Variants in NETO1 observed in about 807,000 individuals in gnomAD.
NETO1 encodes the protein neuropilin and tolloid like 1, also known as neuropilin and tolloid-like protein 1.
NETO1 carries 26 observed loss-of-function variants against 61.3 expected under a neutral mutation model. The observed-to-expected ratio is 0.42, with a 90% CI of 0.31 to 0.59. NETO1 has a LOEUF of 0.59. Among genes scored for constraint, NETO1 ranks in the 20% least tolerant of loss-of-function variants. The pLI is 0.12. For missense variants in NETO1, 531 were observed against 662.8 expected, an observed-to-expected ratio of 0.80 and a Z score of 2.18; for synonymous variants, 225 against 225.8, an observed-to-expected ratio of 1.00 and a Z score of 0.03.
At chr18:72,787,630 CAT>C (rs1402120468) in intron 6 of NETO1, among the ~76,000 whole-genome samples, 1 of 152,214 alleles carries the variant, frequency 6.6e-6, no homozygotes, top group Non-Finnish European at 1.5e-5. Context: ...TGCATTATTT[CAT>C]ATCTCTCAAC....
Position 72,773,149 on chromosome 18 carries a change from T to G in NETO1, c.868+10529A>C, listed in dbSNP as rs115403064. 1.3e-3 allele frequency among the ~76,000 whole-genome samples: 204 copies of G among 151,988 alleles called. 1 individual carries two copies. Among genetic ancestry groups the G allele is most frequent in the African/African-American group, 4.8e-3 (201 of 41,492 alleles). The stretch of plus-strand genomic sequence containing the variant: ...CCCTCTCCCAGTTCCTAATAACATA[T>G]TCCTCCTCACTTGCATCTGAGTCAT... On this transcript the variant is annotated intron_variant, in intron 7 of 10. Coordinates refer to ENST00000327305, the MANE Select transcript of NETO1 (RefSeq NM_138966.5).
intron 7 of NETO1, among the ~76,000 whole-genome samples, chr18:72,781,293 T>A (rs117227354): frequency 0.014 from 2,191 of 152,278 alleles, 26 homozygotes; most frequent in Non-Finnish European, 0.024. Context: ...CAGATAAGAA[T>A]ACTGAATAAA....
intron 4 of NETO1, among the ~76,000 whole-genome samples, chr18:72,836,977 T>C (rs1031340741): frequency 6.6e-6 from 1 of 151,996 alleles, no homozygotes; most frequent in African/African-American, 2.4e-5. Context: ...AGAATGCAGA[T>C]CCCCCAGGAA....
intron 4 of NETO1, among the ~76,000 whole-genome samples, chr18:72,825,680 C>A (rs1486069795): frequency 6.6e-6 from 1 of 152,244 alleles, no homozygotes; most frequent in East Asian, 1.9e-4. Context: ...GTTCTAACAG[C>A]TACTTTGAGT....
At chr18:72,814,779 C>A (rs886858989) in intron 4 of NETO1, among the ~76,000 whole-genome samples, 5 of 152,038 alleles carry the variant, frequency 3.3e-5, no homozygotes, top group African/African-American at 1.2e-4. Flanking sequence ...TATTTTTAAA[C>A]TCCAAAAGAT....
chr18:72,867,319 G>A lies in NETO1; in HGVS notation c.-28C>T, dbSNP rs369366556. On this transcript the variant is annotated 5_prime_UTR_variant, in exon 1 of 11. Transcript: ENST00000327305. ...CTGTGCGTTACACCAGAGGCTCCGG[G>A]CTCCACTAATTCCATTTAGAGACGG... The A allele has an allele frequency of 6.7e-5, 104 of 1,559,500 alleles. No individual in the cohort carries two copies. Among genetic ancestry groups the A allele is most frequent in the Non-Finnish European group, 8.8e-5 (101 of 1,152,442 alleles).
intron 7 of NETO1, among the ~76,000 whole-genome samples, chr18:72,771,807 C>A (rs750355193): frequency 6.6e-5 from 10 of 152,132 alleles, no homozygotes; most frequent in Non-Finnish European, 1.5e-4. Flanking sequence ...AAACCCACAT[C>A]ATTGCAATAG....
chr18:72,783,774 C>T lies in NETO1; in HGVS notation c.772G>A (p.Val258Ile). The T allele has an allele frequency of 6.2e-7, 1 of 1,614,216 alleles. No individual in the cohort carries two copies. Residue 258 changes from valine to isoleucine, a missense_variant, in exon 7 of 11, where the codon GTC (valine) becomes ATC (isoleucine). Coordinates refer to ENST00000327305, the MANE Select transcript of NETO1 (RefSeq NM_138966.5). ...ACCCCAAGACCCGTGCGTAGCATGA[C>T]ATCATTAGCCACAGTGCTACAGAAC... The part of the protein sequence containing the change: ...AKFCSTVAND[V>I]MLRTGLGVIR...
chr18:72,758,606 G>A (rs1182605714), intron 7 of NETO1, among the ~76,000 whole-genome samples: 1 of 152,126 alleles, frequency 6.6e-6, no homozygotes, highest in Non-Finnish European at 1.5e-5. Context: ...TGACTCTGAG[G>A]TGGGCGAATC....
intron 4 of NETO1, among the ~76,000 whole-genome samples, chr18:72,841,885 G>C (rs1329835455): frequency 6.6e-6 from 1 of 152,010 alleles, no homozygotes; most frequent in African/African-American, 2.4e-5. Flanking sequence ...CCACCTGCCA[G>C]CAACAACTAC....
At chr18:72,748,358 ACAAT>A (rs986526433) in intron 10 of NETO1, 194 bp from the exon 11 acceptor site, 1 of 926,432 alleles carries the variant, frequency 1.1e-6, no homozygotes, top group African/African-American at 1.8e-5. Context: ...ATAGATATAA[ACAAT>A]CAAGAGCAAA....
chr18:72,866,003 T>C (rs1218656251), intron 1 of NETO1, among the ~76,000 whole-genome samples: 1 of 152,214 alleles, frequency 6.6e-6, no homozygotes, highest in Non-Finnish European at 1.5e-5. Context: ...CTGTGATCTG[T>C]AACTTAACAG....
At chr18:72,844,706 A>G (rs2074032734) in intron 4 of NETO1, among the ~76,000 whole-genome samples, 1 of 152,254 alleles carries the variant, frequency 6.6e-6, no homozygotes, top group Non-Finnish European at 1.5e-5. Context: ...TTCATTAAGC[A>G]TCAGTTGTGG....
chr18:72,787,744 G>A (rs910976071), intron 6 of NETO1, among the ~76,000 whole-genome samples: 3 of 152,092 alleles, frequency 2.0e-5, no homozygotes, highest in African/African-American at 4.8e-5. Context: ...CTGAAGTAAC[G>A]GACTGGTACC....
chr18:72,859,318 T>C lies in NETO1; in HGVS notation c.221-244A>G, dbSNP rs556041342. Among the ~76,000 whole-genome samples the C allele has an allele frequency of 4.6e-5, 7 of 152,310 alleles. No individual in the cohort carries two copies. The South Asian group carries it at 1.2e-3, about 27-fold the overall frequency. ...ATTATTCTGATACAAGATGACCATT[T>C]TGACGTTTTGCGCAGGACTAACAAA... On this transcript the variant is annotated intron_variant, in intron 3 of 10. Transcript: ENST00000327305.
chr18:72,825,718 C>A (rs534913423), intron 4 of NETO1, among the ~76,000 whole-genome samples: 1 of 152,256 alleles, frequency 6.6e-6, no homozygotes, highest in East Asian at 1.9e-4. Flanking sequence ...TTACACAAAT[C>A]TTTGTTAATA....
intron 7 of NETO1, among the ~76,000 whole-genome samples, chr18:72,779,592 G>A (rs2071670541): frequency 6.6e-6 from 1 of 152,006 alleles, no homozygotes; most frequent in East Asian, 1.9e-4. Context: ...ACTTTCTATT[G>A]TTTTGAAGTT....
intron 4 of NETO1, among the ~76,000 whole-genome samples, chr18:72,808,430 T>TGTGTGTGC (rs2072752571): frequency 6.6e-6 from 1 of 150,964 alleles, no homozygotes; most frequent in South Asian, 2.1e-4. Context: ...TGTGTGTGTG[T>TGTGTGTGC]GTGTGTGTGT....
At chr18:72,783,229 A>C (rs2071801683) in intron 7 of NETO1, among the ~76,000 whole-genome samples, 1 of 152,318 alleles carries the variant, frequency 6.6e-6, no homozygotes, top group African/African-American at 2.4e-5. Flanking sequence ...CTCTCTCCTT[A>C]CCTACTTTAA....
Sources: allele counts gnomAD v4.1 joint callset (sites outside exome capture counted in the v4.1 genomes callset), GRCh38; gene constraint gnomAD v4.1.1; transcripts MANE v1.5; gene names NCBI Gene and HGNC (gene_info 2026-07-23, HGNC 2026-07-21).